Variants in INSC observed in about 807,000 individuals in gnomAD.
INSC encodes INSC spindle orientation adaptor protein, also known as protein inscuteable homolog.
A neutral mutation model predicts 58.6 loss-of-function variants in INSC; 67 were observed. The observed-to-expected ratio is 1.14, with a 90% confidence interval of 0.94 to 1.40. The LOEUF is 1.40. INSC is among the 40% of genes most tolerant of loss of function. The pLI, the probability that INSC is intolerant of heterozygous loss-of-function variation, is 0.00. For synonymous variants in INSC, 262 were observed against 276.1 expected (o/e 0.95, Z 0.51); for missense variants, 714 against 692.0 (o/e 1.03, Z -0.36).
chr11:15,183,128 A>G (rs905341503), intron 5 of INSC, among the ~76,000 whole-genome samples: 15 of 152,146 alleles, frequency 9.9e-5, no homozygotes, highest in African/African-American at 3.6e-4. Flanking sequence ...CAGGCAGATC[A>G]CCTGAGGTTG....
chr11:15,144,456 C>A (rs1848445013), intron 1 of INSC, among the ~76,000 whole-genome samples: 1 of 152,204 alleles, frequency 6.6e-6, no homozygotes. Context: ...CCAGCTCTTG[C>A]ACTTTCTGAA....
chr11:15,178,216 C>T, intron 4 of INSC, 108 bp from the exon 5 acceptor site: 6 of 1,455,866 alleles, frequency 4.1e-6, no homozygotes, highest in Non-Finnish European at 5.6e-6. Context: ...TTGCCAATGT[C>T]TTCAGCACAC....
At chr11:15,214,743 A>AT (rs1379679633) in intron 7 of INSC, among the ~76,000 whole-genome samples, 1 of 152,202 alleles carries the variant, frequency 6.6e-6, no homozygotes, top group African/African-American at 2.4e-5. Context: ...TTAAGAAGTG[A>AT]TTAGGTCATG....
At chr11:15,206,826 T>G (rs1850819561) in intron 7 of INSC, among the ~76,000 whole-genome samples, 1 of 152,240 alleles carries the variant, frequency 6.6e-6, no homozygotes, top group African/African-American at 2.4e-5. Context: ...GGGTGGGTCT[T>G]GCAGCAATGG....
At chr11:15,175,705 G>C (rs972795448) in intron 2 of INSC, 36 bp from the exon 3 acceptor site, 3 of 1,477,484 alleles carry the variant, frequency 2.0e-6, no homozygotes, top group Non-Finnish European at 2.7e-6. Context: ...ATCATGGGGT[G>C]TTGATAATTA....
chr11:15,206,089 G>A (rs529063740), intron 7 of INSC, among the ~76,000 whole-genome samples: 2 of 152,164 alleles, frequency 1.3e-5, no homozygotes, highest in African/African-American at 2.4e-5. Context: ...TTCCTTCCCT[G>A]TGTCTTCATC....
intron 10 of INSC, among the ~76,000 whole-genome samples, chr11:15,235,904 A>C (rs1292796561): frequency 2.0e-5 from 3 of 151,864 alleles, no homozygotes; most frequent in Non-Finnish European, 2.9e-5. Context: ...AAAAATACAG[A>C]AATTAGCTGG....
intron 2 of INSC, among the ~76,000 whole-genome samples, chr11:15,164,009 C>T (rs1168419838): frequency 1.3e-5 from 2 of 152,106 alleles, no homozygotes; most frequent in South Asian, 4.1e-4. Context: ...TGACTTTCCC[C>T]TCTTTATTTC....
intron 7 of INSC, among the ~76,000 whole-genome samples, chr11:15,218,230 C>T (rs550077908): frequency 3.3e-5 from 5 of 152,224 alleles, no homozygotes; most frequent in Middle Eastern, 3.4e-3. Context: ...CCACATGCAA[C>T]AACAAGAAGA....
At chr11:15,245,794 C>G (rs748004396) in intron 12 of INSC, 118 bp from the exon 13 acceptor site, 54 of 1,375,852 alleles carry the variant, frequency 3.9e-5, no homozygotes, top group Non-Finnish European at 5.2e-5. Context: ...ATGATCAACC[C>G]AAATTGTCTG....
Position 15,162,124 on chromosome 11 carries a change from C to T in INSC, c.56+12894C>T, listed in dbSNP as rs371374637. ...ATATGGGCTAGATGGACCCAGCTGA[C>T]ATCTGGTGACAAGAGTTCTTGGGGG... On this transcript the variant is annotated intron_variant, in intron 2 of 12. Transcript: ENST00000379556. Among the ~76,000 whole-genome samples the T allele has an allele frequency of 2.6e-4, 40 of 152,282 alleles. No individual in the cohort carries two copies. The South Asian group carries it at 7.3e-3, about 28-fold the overall frequency.
intron 6 of INSC, among the ~76,000 whole-genome samples, chr11:15,198,068 G>A (rs143742015): frequency 1.2e-3 from 181 of 152,238 alleles, no homozygotes; most frequent in Non-Finnish European, 2.2e-3. Flanking sequence ...TTCCTCTGTG[G>A]CTTTCTTCCT....
intron 5 of INSC, among the ~76,000 whole-genome samples, chr11:15,180,172 G>A (rs983411235): frequency 2.4e-4 from 36 of 152,034 alleles, no homozygotes; most frequent in Non-Finnish European, 2.2e-4. Context: ...GCAGGAGAAT[G>A]GTGTGAACCT....
the INSC span, among the ~76,000 whole-genome samples, chr11:15,263,191 T>C: frequency 6.6e-6 from 1 of 152,070 alleles, no homozygotes; most frequent in Non-Finnish European, 1.5e-5. Context: ...TTGTGGGCAA[T>C]ATAGAAGAAA....
At chr11:15,154,530 A>C (rs1474316770) in intron 2 of INSC, among the ~76,000 whole-genome samples, 3 of 152,210 alleles carry the variant, frequency 2.0e-5, no homozygotes, top group Non-Finnish European at 4.4e-5. Flanking sequence ...ATAATTAAGA[A>C]GTATTTTTAG....
intron 2 of INSC, among the ~76,000 whole-genome samples, chr11:15,163,294 C>A (rs1318455291): frequency 1.3e-5 from 2 of 152,188 alleles, no homozygotes; most frequent in Non-Finnish European, 2.9e-5. Context: ...GATACACAAA[C>A]AATTTCTTCC....
At chr11:15,266,377 A>G in the INSC span, among the ~76,000 whole-genome samples, 1 of 152,012 alleles carries the variant, frequency 6.6e-6, no homozygotes, top group Non-Finnish European at 1.5e-5. Flanking sequence ...TCTATTAGCA[A>G]CTTTAAGGTC....
chr11:15,235,751 G>A lies in INSC; in HGVS notation c.1237+83G>A, dbSNP rs934049978. On this transcript the variant is annotated intron_variant, in intron 10 of 12. Coordinates refer to ENST00000379556, the MANE Select transcript of INSC (RefSeq NM_001042536.3). ...TCTTTGTGCTTGTGTGAATGCCTGT[G>A]CAGGTATGTAAATAGGTACATGTGG... 39 of 1,169,472 alleles carry A rather than the reference G, an allele frequency of 3.3e-5. No individual in the cohort carries two copies. In the African/African-American group the frequency reaches 5.7e-4, roughly 17 times the overall value. The allele number at this position is 1,169,472 out of a possible 1,614,324, so 72.4% of individuals were successfully genotyped here.
At chr11:15,135,180 C>CA (rs1454001212) in intron 1 of INSC, among the ~76,000 whole-genome samples, 2 of 152,076 alleles carry the variant, frequency 1.3e-5, no homozygotes. Context: ...TGTGGAAGTG[C>CA]AAGATGTTTT....
Sources: allele counts gnomAD v4.1 joint callset (sites outside exome capture counted in the v4.1 genomes callset), GRCh38; gene constraint gnomAD v4.1.1; transcripts MANE v1.5; gene names NCBI Gene and HGNC (gene_info 2026-07-23, HGNC 2026-07-21).